FADS2: variants seen among roughly 807,000 people sequenced by gnomAD.
FADS2 encodes the protein fatty acid desaturase 2.
FADS2 carries 18 observed loss-of-function variants against 61.2 expected under a neutral mutation model. That is an observed-to-expected ratio of 0.29 (90% CI 0.20 to 0.44). FADS2 has a LOEUF of 0.44. Among genes scored for constraint, FADS2 ranks in the 20% least tolerant of loss-of-function variants. The probability of loss-of-function intolerance (pLI) is 1.00; values close to 1 mark genes in which losing one functional copy is unlikely to be tolerated. For synonymous variants in FADS2, 203 were observed against 223.9 expected (o/e 0.91, Z 0.83); for missense variants, 322 against 572.7 (o/e 0.56, Z 4.47).
intron 5 of FADS2, among the ~76,000 whole-genome samples, chr11:61,849,205 C>A (rs1186098464): frequency 6.6e-6 from 1 of 152,176 alleles, no homozygotes; most frequent in Non-Finnish European, 1.5e-5. Flanking sequence ...GAGAGAGTCA[C>A]GTAATTTAGT....
At position 61,866,044 on chromosome 11, in the gene FADS2, T is replaced by A. The variant is rs1000525265; in HGVS notation, c.*355T>A. 4.8e-6 allele frequency: 2 copies of A among 418,184 alleles called. No individual in the cohort carries two copies. The highest frequency in any genetic ancestry group is 4.0e-5 in the African/African-American group (2 of 49,576). 25.9% of individuals were successfully genotyped at this position (418,184 alleles called of 1,614,324 possible). On this transcript the variant is annotated 3_prime_UTR_variant, in exon 12 of 12. Transcript: ENST00000278840. The stretch of plus-strand genomic sequence containing the variant: ...AGACCAGCGGTCCATGGGTCTGGCC[T>A]GTGAGTCTCCCCTTGCAGCCTGGTC...
chr11:61,858,767 G>A (rs887774786), intron 7 of FADS2, among the ~76,000 whole-genome samples: 10 of 152,006 alleles, frequency 6.6e-5, no homozygotes. Context: ...TGTATTTTTA[G>A]TAGTGATGGG....
In FADS2 at chr11:61,862,952, A is replaced by G. The variant is rs1262039666; in HGVS notation, c.883-20A>G. 1 of 1,607,526 alleles carries G rather than the reference A, an allele frequency of 6.2e-7. No individual in the cohort carries two copies. Among genetic ancestry groups the G allele is most frequent in the African/African-American group, 1.3e-5 (1 of 74,838 alleles). ...GCAGAGGAGAGGGCAGGTTGCACCT[A>G]ACTTCATCTTTCCCCGCAGGACCTG... On this transcript the variant is annotated intron_variant, in intron 7 of 11. Coordinates refer to ENST00000278840, the MANE Select transcript of FADS2 (RefSeq NM_004265.4).
At chr11:61,863,235 T>C (rs1450927929) in intron 8 of FADS2, 47 bp from the exon 9 acceptor site, 15 of 1,520,182 alleles carry the variant, frequency 9.9e-6, no homozygotes, top group Middle Eastern at 1.7e-4. Flanking sequence ...GTTCCCACTG[T>C]GGCTGGGCCC....
intron 1 of FADS2, chr11:61,817,070 G>C: frequency 9.5e-7 from 1 of 1,050,910 alleles, no homozygotes; most frequent in Non-Finnish European, 1.3e-6. Context: ...ACGTCAGGCG[G>C]GCATCGCGGC....
At chr11:61,835,828 G>A (rs1246309415) in intron 1 of FADS2, among the ~76,000 whole-genome samples, 1 of 152,108 alleles carries the variant, frequency 6.6e-6, no homozygotes, top group Non-Finnish European at 1.5e-5. Context: ...TTATATGTGT[G>A]CAGTTGCCTT....
rs59872671 is a variant in FADS2, at chr11:61,853,290, CCCTTCCTT to C, written c.745-3684_745-3677del. ...CCCTCCCTCCCTTCCCTCCCTCCCT[CCCTTCCTT>C]CCTTCCTTCCTTCCTTCCTTCCTTC... On this transcript the variant is annotated intron_variant, in intron 5 of 11. Coordinates refer to ENST00000278840, the MANE Select transcript of FADS2 (RefSeq NM_004265.4). Among the ~76,000 whole-genome samples the C allele has an allele frequency of 4.4e-3, 357 of 81,714 alleles. 2 individuals are homozygous for C. The highest frequency in any genetic ancestry group is 0.02 in the East Asian group (53 of 2,662). 53.6% of individuals were successfully genotyped at this position (81,714 alleles called of 152,430 possible).
chr11:61,829,011 AG>A (rs1418728475), intron 1 of FADS2, among the ~76,000 whole-genome samples: 1 of 152,240 alleles, frequency 6.6e-6, no homozygotes, highest in Non-Finnish European at 1.5e-5. Context: ...GCGGGAGCGC[AG>A]GCAGCCAGGT....
intron 9 of FADS2, 100 bp downstream of exon 9, chr11:61,863,478 C>A: frequency 1.0e-6 from 1 of 959,810 alleles, no homozygotes. Context: ...CTGGGCCTCC[C>A]GGGGCTGCCT....
intron 1 of FADS2, among the ~76,000 whole-genome samples, chr11:61,820,147 T>C (rs564561538): frequency 3.3e-5 from 5 of 152,014 alleles, no homozygotes; most frequent in African/African-American, 9.7e-5. Flanking sequence ...AGACTGCACC[T>C]CAGAAAAAAC....
chr11:61,860,621 CT>C (rs2067405500), intron 7 of FADS2, among the ~76,000 whole-genome samples: 1 of 152,212 alleles, frequency 6.6e-6, no homozygotes, highest in South Asian at 2.1e-4. Context: ...GCTCTCTACA[CT>C]CAAAAGAAGT....
chr11:61,846,423 TCTC>T (rs756911374), intron 4 of FADS2, among the ~76,000 whole-genome samples: 15,453 of 141,404 alleles, frequency 0.11, 1,484 homozygotes, highest in African/African-American at 0.26. Flanking sequence ...TTTTTTTTTT[TCTC>T]TCTCTCTCTC....
chr11:61,840,222 T>C, intron 2 of FADS2, 112 bp from the exon 3 acceptor site: 2 of 891,806 alleles, frequency 2.2e-6, no homozygotes, highest in Admixed American at 3.9e-5. Flanking sequence ...TGGCCCCCTC[T>C]TGCCACAGCT....
chr11:61,856,018 A>C (rs1456009745), intron 5 of FADS2: 1 of 152,292 alleles, frequency 6.6e-6, no homozygotes, highest in East Asian at 1.9e-4. Flanking sequence ...AGCGACTCAC[A>C]TAGTCTCAGC....
upstream of FADS2, among the ~76,000 whole-genome samples, chr11:61,824,529 A>AAGAAAGAAAGAG (rs2067067520): frequency 6.7e-6 from 1 of 150,046 alleles, no homozygotes; most frequent in Non-Finnish European, 1.5e-5. Flanking sequence ...GAAAGAAAGA[A>AAGAAAGAAAGAG]AAATCACTGT....
intron 5 of FADS2, among the ~76,000 whole-genome samples, chr11:61,854,021 A>C (rs2067333439): frequency 6.6e-6 from 1 of 151,742 alleles, no homozygotes; most frequent in Non-Finnish European, 1.5e-5. Flanking sequence ...GGCTGGCTGC[A>C]CTCCCTCCCT....
chr11:61,859,527 C>A (rs1407338982), intron 7 of FADS2, among the ~76,000 whole-genome samples: 1 of 152,198 alleles, frequency 6.6e-6, no homozygotes, highest in African/African-American at 2.4e-5. Context: ...CAATGTAAGT[C>A]CTCTCCTCTT....
intron 1 of FADS2, chr11:61,821,452 T>A (rs201002827): frequency 1.4e-6 from 1 of 701,420 alleles, no homozygotes; most frequent in Non-Finnish European, 2.6e-6. Flanking sequence ...CCAGTGGCTG[T>A]TGGAATAACC....
upstream of FADS2, among the ~76,000 whole-genome samples, chr11:61,825,086 G>C (rs2067072560): frequency 1.3e-5 from 2 of 151,862 alleles, no homozygotes; most frequent in African/African-American, 4.8e-5. Flanking sequence ...TAAAGTGCTG[G>C]GATTATAGGC....
Sources: gnomAD v4.1 joint callset for allele counts (sites outside exome capture counted in the v4.1 genomes callset) on GRCh38, gnomAD v4.1.1 for gene constraint, MANE v1.5 for transcripts, NCBI Gene and HGNC (gene_info 2026-07-23, HGNC 2026-07-21) for gene names.